DAB2IP: variants seen among roughly 807,000 people sequenced by gnomAD.
DAB2IP encodes the protein DAB2 interacting protein, also known as disabled homolog 2-interacting protein.
Under a neutral mutation model 107.2 loss-of-function variants are expected in DAB2IP, and 28 were observed. That is an observed-to-expected ratio of 0.26 (90% CI 0.19 to 0.36). The LOEUF is 0.36. Ranked by LOEUF, DAB2IP falls within the 10% of genes least tolerant of loss-of-function variation. The pLI, the probability that DAB2IP is intolerant of heterozygous loss-of-function variation, is 1.00. For synonymous variants in DAB2IP, 755 were observed against 706.4 expected (o/e 1.07, Z -1.09); for missense variants, 1,400 against 1,644.7 (o/e 0.85, Z 2.57).
chr9:121,698,921 A>T lies in DAB2IP; in HGVS notation c.229-404A>T, dbSNP rs1829576590. ...GAGGACAAGCTCGGAGGCGGCAGGG[A>T]GGTGAGCGGGGCGGCCGGCCCTGGC... On this transcript the variant is annotated intron_variant, in intron 2 of 15. Coordinates refer to ENST00000408936, the Ensembl canonical transcript of DAB2IP. The surrounding 1 kb of genome is among the most constrained non-coding windows in gnomAD (Gnocchi z 4.1). Among the ~76,000 whole-genome samples the T allele has an allele frequency of 6.6e-6, 1 of 151,752 alleles. No individual in the cohort carries two copies. Among genetic ancestry groups the T allele is most frequent in the South Asian group, 2.1e-4 (1 of 4,820 alleles).
At chr9:121,713,860 A>C (rs1013677261) in intron 3 of DAB2IP, among the ~76,000 whole-genome samples, 1 of 152,210 alleles carries the variant, frequency 6.6e-6, no homozygotes, top group African/African-American at 2.4e-5. Flanking sequence ...AAAGCAAGCC[A>C]CACGGGGGCT....
At chr9:121,632,338 G>A (rs1831924802) in intron 1 of DAB2IP, among the ~76,000 whole-genome samples, 1 of 152,198 alleles carries the variant, frequency 6.6e-6, no homozygotes, top group Non-Finnish European at 1.5e-5. Flanking sequence ...AGCTCTGGTT[G>A]TTTATTACCG....
At chr9:121,680,883 C>T (rs1410049904) in intron 2 of DAB2IP, among the ~76,000 whole-genome samples, 1 of 151,918 alleles carries the variant, frequency 6.6e-6, no homozygotes, top group Non-Finnish European at 1.5e-5. Flanking sequence ...GCTGGGATTA[C>T]AGGAGCCTGC....
At chr9:121,663,655 T>C (rs1233027901) in intron 1 of DAB2IP, among the ~76,000 whole-genome samples, 1 of 152,234 alleles carries the variant, frequency 6.6e-6, no homozygotes, top group African/African-American at 2.4e-5. Context: ...CATAGTTCCA[T>C]GGCCTCAGGA....
intron 1 of DAB2IP, among the ~76,000 whole-genome samples, chr9:121,652,572 T>C (rs1161970529): frequency 6.6e-6 from 1 of 151,946 alleles, no homozygotes; most frequent in East Asian, 1.9e-4. Flanking sequence ...GGGAAGCCCC[T>C]GGGAGGAGGA....
chr9:121,773,530 C>T (rs369206639), intron 12 of DAB2IP, 35 bp downstream of exon 12: 8 of 1,442,294 alleles, frequency 5.5e-6, no homozygotes, highest in South Asian at 4.9e-5. Flanking sequence ...GGGCTGGGCA[C>T]TTGGGCCCAG....
At chr9:121,607,298 C>A (rs1359931104) in intron 1 of DAB2IP, among the ~76,000 whole-genome samples, 4 of 151,820 alleles carry the variant, frequency 2.6e-5, no homozygotes. Context: ...TCCTATCATT[C>A]CTTTGGGTTT....
intron 3 of DAB2IP, among the ~76,000 whole-genome samples, chr9:121,739,504 C>T (rs1006121041): frequency 3.9e-5 from 6 of 152,220 alleles, no homozygotes; most frequent in African/African-American, 1.4e-4. Flanking sequence ...AAGGGGAAGC[C>T]CAGTGGTTGG....
intron 3 of DAB2IP, chr9:121,737,138 CT>C: frequency 1.0e-6 from 1 of 971,094 alleles, no homozygotes; most frequent in Non-Finnish European, 1.2e-6. Context: ...GGGGAGGAGC[CT>C]GTAGGGACGG....
At chr9:121,780,040 G>A (rs1359396001) in intron 14 of DAB2IP, among the ~76,000 whole-genome samples, 1 of 152,074 alleles carries the variant, frequency 6.6e-6, no homozygotes, top group Non-Finnish European at 1.5e-5. Context: ...CCATTTTTCT[G>A]GTTTGTTTGT....
At chr9:121,700,345 A>C (rs1278921599) in intron 3 of DAB2IP, among the ~76,000 whole-genome samples, 3 of 152,154 alleles carry the variant, frequency 2.0e-5, no homozygotes, top group Admixed American at 6.5e-5. Context: ...ACAGCCTCTC[A>C]GGGCCCAGGT....
intron 12 of DAB2IP, 132 bp from the exon 13 acceptor site, chr9:121,774,128 C>T (rs759309525): frequency 2.2e-5 from 23 of 1,040,364 alleles, no homozygotes; most frequent in Non-Finnish European, 2.9e-5. Flanking sequence ...GGTAGGCGCT[C>T]AGTCAGCTGG....
chr9:121,677,988 G>T (rs72770685), intron 1 of DAB2IP, among the ~76,000 whole-genome samples: 1 of 152,056 alleles, frequency 6.6e-6, no homozygotes, highest in African/African-American at 2.4e-5. Context: ...AAAAAATTGC[G>T]ATAAAATATG....
At chr9:121,740,948 C>T (rs1832296013) in intron 3 of DAB2IP, among the ~76,000 whole-genome samples, 1 of 152,106 alleles carries the variant, frequency 6.6e-6, no homozygotes, top group African/African-American at 2.4e-5. Flanking sequence ...GGAGCCTGGG[C>T]CTGCAAAACC....
rs565999760 is a variant in DAB2IP at position 121,624,857 on chromosome 9, C to T, written c.41-53821C>T. On this transcript the variant is annotated intron_variant, in intron 1 of 16. Coordinates refer to the DAB2IP transcript ENST00000259371. ...GAGAAAGTTAAAAGACAGGAACGTA[C>T]ATGAAGCATTTAACACAGTGCCAGG... Among the ~76,000 whole-genome samples the T allele has an allele frequency of 2.6e-5, 4 of 152,298 alleles. No homozygotes were observed. The South Asian group carries it at 6.2e-4, about 24-fold the overall frequency.
At chr9:121,642,028 TCTC>T (rs1832356916) in intron 1 of DAB2IP, among the ~76,000 whole-genome samples, 3 of 40,996 alleles carry the variant, frequency 7.3e-5, no homozygotes, top group African/African-American at 3.2e-4. Flanking sequence ...TCTCTCTCTC[TCTC>T]TTTCTTTCTT....
At chr9:121,763,558 G>T (rs372829760) in exon 7 of DAB2IP, 1 of 1,613,946 alleles carries the variant, frequency 6.2e-7, no homozygotes. Context: ...GGGACAACGA[G>T]CACCTCATCT....
intron 1 of DAB2IP, among the ~76,000 whole-genome samples, chr9:121,617,975 C>A (rs1440406919): frequency 6.6e-6 from 1 of 152,172 alleles, no homozygotes; most frequent in East Asian, 1.9e-4. Flanking sequence ...GACTGAGAAG[C>A]CCCTAAAGGA....
chr9:121,614,837 G>A (rs1418296843), intron 1 of DAB2IP, among the ~76,000 whole-genome samples: 1 of 151,172 alleles, frequency 6.6e-6, no homozygotes, highest in Non-Finnish European at 1.5e-5. Flanking sequence ...AGGTTCAAGC[G>A]ATTCTCCTGC....
Sources: allele counts gnomAD v4.1 joint callset (sites outside exome capture counted in the v4.1 genomes callset), GRCh38; gene constraint gnomAD v4.1.1; non-coding constraint Gnocchi (gnomAD v3.1); transcripts MANE v1.5; gene names NCBI Gene and HGNC (gene_info 2026-07-23, HGNC 2026-07-21).